Variants in TNIK observed in about 807,000 individuals in gnomAD.
The protein encoded by TNIK is TRAF2 and NCK interacting kinase, also known as TRAF2 and NCK-interacting protein kinase.
Under a neutral mutation model 191.3 loss-of-function variants are expected in TNIK, and 49 were observed. That is an observed-to-expected ratio of 0.26 (90% CI 0.20 to 0.32). TNIK has a LOEUF of 0.32. Ranked by LOEUF, TNIK falls within the 10% of genes least tolerant of loss-of-function variation. The pLI is 1.00. For synonymous variants in TNIK, 594 were observed against 600.9 expected, an observed-to-expected ratio of 0.99 and a Z score of 0.17; for missense variants, 1,155 against 1,702.3, an observed-to-expected ratio of 0.68 and a Z score of 5.66.
chr3:171,353,588 C>G (rs1471403313), intron 2 of TNIK, among the ~76,000 whole-genome samples: 1 of 152,088 alleles, frequency 6.6e-6, no homozygotes, highest in African/African-American at 2.4e-5. Flanking sequence ...GAACTGCCAA[C>G]CAAAGCACAT....
chr3:171,250,233 T>C (rs1014317367), intron 2 of TNIK, among the ~76,000 whole-genome samples: 1 of 152,218 alleles, frequency 6.6e-6, no homozygotes, highest in Non-Finnish European at 1.5e-5. Flanking sequence ...TTTCTGGTAA[T>C]GCCAGCACCC....
chr3:171,157,523 C>T lies in TNIK; in HGVS notation c.1158G>A (p.Gln386=). The change falls in exon 12 of 33, where the codon CAG becomes CAA. Residue 386 remains glutamine, a synonymous_variant. Transcript: ENST00000436636. ...TGCGCTTCTGACGCTCGGCCAGCAG[C>T]TGCCGCTTGTGCTCCTCATTCTCCC... The part of the protein sequence containing the change: ...QQRENEEHKR[Q]LLAERQKRIE... 6.4e-7 allele frequency: 1 copy of T among 1,572,980 alleles called. No homozygotes were observed.
At chr3:171,087,256 C>T (rs1195758049) in intron 24 of TNIK, 86 bp downstream of exon 24, 5 of 1,551,710 alleles carry the variant, frequency 3.2e-6, no homozygotes, top group Admixed American at 3.6e-5. Flanking sequence ...AGGAGCTTGG[C>T]GAAGCCTCAT....
At chr3:171,100,015 A>C (rs1310652428) in intron 22 of TNIK, among the ~76,000 whole-genome samples, 1 of 152,230 alleles carries the variant, frequency 6.6e-6, no homozygotes, top group Non-Finnish European at 1.5e-5. Flanking sequence ...GTACGAACTT[A>C]TCAGATCTCT....
chr3:171,158,857 TTGA>T (rs1288659870), intron 11 of TNIK, among the ~76,000 whole-genome samples: 1 of 151,980 alleles, frequency 6.6e-6, no homozygotes, highest in Admixed American at 6.5e-5. Flanking sequence ...AAGGAAGCAG[TTGA>T]TGAAGAAGGA....
intron 1 of TNIK, among the ~76,000 whole-genome samples, chr3:171,432,080 G>C (rs573663722): frequency 3.9e-5 from 6 of 152,218 alleles, no homozygotes; most frequent in Admixed American, 2.0e-4. Flanking sequence ...AGAGAAGATG[G>C]CCTCCTTAAG....
In TNIK at chr3:171,063,578, G is replaced by A. The variant is rs1420205058; in HGVS notation, c.*303C>T. ...CACCATAACACAGCTTAATCGTTAA[G>A]AGCACACAATATTTGTTTCTATCCC... On this transcript the variant is annotated 3_prime_UTR_variant, in exon 33 of 33. Coordinates refer to ENST00000436636, the MANE Select transcript of TNIK (RefSeq NM_015028.4). The A allele has an allele frequency of 1.5e-5, 4 of 261,136 alleles. No homozygotes were observed. Among genetic ancestry groups the A allele is most frequent in the South Asian group, 2.1e-4 (2 of 9,446 alleles). The allele number at this position is 261,136 out of a possible 1,614,324, so 16.2% of individuals were successfully genotyped here. A position where few individuals can be genotyped will look rare whatever the true frequency, so the allele number is the denominator to read the frequency against.
chr3:171,084,045 A>G, intron 26 of TNIK, 110 bp downstream of exon 26: 1 of 1,364,638 alleles, frequency 7.3e-7, no homozygotes, highest in Non-Finnish European at 9.6e-7. Flanking sequence ...AATACCCAGG[A>G]TTCAACCAGT....
chr3:171,070,516 G>A (rs778967858), intron 29 of TNIK, among the ~76,000 whole-genome samples: 3 of 152,088 alleles, frequency 2.0e-5, no homozygotes, highest in South Asian at 4.1e-4. Flanking sequence ...GTTCACTTGG[G>A]CTATGGATAG....
intron 25 of TNIK, among the ~76,000 whole-genome samples, chr3:171,084,607 T>G (rs1478085631): frequency 6.6e-6 from 1 of 152,154 alleles, no homozygotes; most frequent in African/African-American, 2.4e-5. Flanking sequence ...CTCTTGTATA[T>G]AGGCAAAAAA....
intron 2 of TNIK, among the ~76,000 whole-genome samples, chr3:171,369,144 G>A (rs947167223): frequency 6.6e-5 from 10 of 152,204 alleles, no homozygotes; most frequent in Middle Eastern, 3.4e-3. Context: ...CCTAAAATTC[G>A]TCGCTGCTAT....
chr3:171,375,990 GA>G (rs1717161977), intron 1 of TNIK, among the ~76,000 whole-genome samples: 1 of 152,126 alleles, frequency 6.6e-6, no homozygotes, highest in South Asian at 2.1e-4. Context: ...AGTGCTCCCA[GA>G]ATGACTGCTA....
At chr3:171,146,718 C>A (rs992327353) in intron 12 of TNIK, among the ~76,000 whole-genome samples, 4 of 151,932 alleles carry the variant, frequency 2.6e-5, no homozygotes, top group African/African-American at 7.3e-5. Context: ...GGTGAAAACC[C>A]GTCTCTACTA....
At chr3:171,207,509 T>C (rs1740246956) in intron 4 of TNIK, among the ~76,000 whole-genome samples, 1 of 152,054 alleles carries the variant, frequency 6.6e-6, no homozygotes, top group Non-Finnish European at 1.5e-5. Flanking sequence ...CAATATACAG[T>C]TTTTATTTGT....
At chr3:171,418,330 A>G (rs190469076) in intron 1 of TNIK, among the ~76,000 whole-genome samples, 2,150 of 152,268 alleles carry the variant, frequency 0.014, 22 homozygotes, top group Admixed American at 0.026. Context: ...GCCAAACCGT[A>G]TGACCCAGCA....
intron 1 of TNIK, among the ~76,000 whole-genome samples, chr3:171,459,681 C>CACACACACACAG (rs1729209743): frequency 6.6e-6 from 1 of 151,050 alleles, no homozygotes; most frequent in Non-Finnish European, 1.5e-5. Context: ...CGTGTACACA[C>CACACACACACAG]ACACACACAC....
intron 26 of TNIK, among the ~76,000 whole-genome samples, chr3:171,083,706 T>C (rs1720968073): frequency 6.6e-6 from 1 of 152,028 alleles, no homozygotes; most frequent in South Asian, 2.1e-4. Flanking sequence ...TGGGCTGATT[T>C]TTCAGCTTGA....
chr3:171,347,037 G>T, intron 2 of TNIK: 2 of 1,148,948 alleles, frequency 1.7e-6, no homozygotes, highest in Non-Finnish European at 2.4e-6. Context: ...TCATATGAGA[G>T]ATGTGCAATG....
At chr3:171,409,851 G>C (rs1226559612) in intron 1 of TNIK, among the ~76,000 whole-genome samples, 1 of 150,170 alleles carries the variant, frequency 6.7e-6, no homozygotes, top group South Asian at 2.2e-4. Context: ...GTATATTATG[G>C]GTTACCATAC....
Sources: gnomAD v4.1 joint callset for allele counts (sites outside exome capture counted in the v4.1 genomes callset) on GRCh38, gnomAD v4.1.1 for gene constraint, MANE v1.5 for transcripts, NCBI Gene and HGNC (gene_info 2026-07-23, HGNC 2026-07-21) for gene names.